Variants in FGF14 observed in about 807,000 individuals in gnomAD.
FGF14 encodes fibroblast growth factor homologous factor 4.
FGF14 carries 5 observed loss-of-function variants against 25.5 expected under a neutral mutation model. That is an observed-to-expected ratio of 0.20 (90% CI 0.10 to 0.41). The LOEUF (loss-of-function observed/expected upper bound fraction) is 0.41. Ranked by LOEUF, FGF14 falls within the 10% of genes least tolerant of loss-of-function variation. The pLI is 1.00. For missense variants in FGF14, 222 were observed against 320.1 expected, an observed-to-expected ratio of 0.69 and a Z score of 2.34; for synonymous variants, 138 against 118.3, an observed-to-expected ratio of 1.17 and a Z score of -1.08.
chr13:102,262,993 G>C (rs2052792286), intron 1 of FGF14: 1 of 518,226 alleles, frequency 1.9e-6, no homozygotes. Context: ...TAACATGATT[G>C]TGACCTTCAG....
At chr13:101,818,907 A>C (rs960539593) in intron 3 of FGF14, among the ~76,000 whole-genome samples, 1 of 152,022 alleles carries the variant, frequency 6.6e-6, no homozygotes, top group Admixed American at 6.5e-5. Flanking sequence ...TCTATGCATT[A>C]CTCATCCATT....
At chr13:102,357,232 C>A (rs752716964) in intron 1 of FGF14, among the ~76,000 whole-genome samples, 20 of 151,726 alleles carry the variant, frequency 1.3e-4, no homozygotes, top group Middle Eastern at 3.4e-3. Context: ...GTACATTATA[C>A]ATCTTACGTC....
chr13:102,191,045 C>A (rs944022139), intron 1 of FGF14, among the ~76,000 whole-genome samples: 6 of 152,164 alleles, frequency 3.9e-5, no homozygotes, highest in African/African-American at 1.4e-4. Context: ...CTCAAAAGTG[C>A]CCTTACCAGT....
In FGF14 at chr13:102,290,210, C is replaced by A. The variant is rs191019627; in HGVS notation, c.208+111261G>T. ...AGGTGCTTAGGTCATAAGACTGAAG[C>A]CCTCACAAATGGGATTAGTGCCTTT... On this transcript the variant is annotated intron_variant, in intron 1 of 4. Transcript: ENST00000376131. Among the ~76,000 whole-genome samples the A allele has an allele frequency of 2.9e-3, 444 of 152,050 alleles. 2 individuals carry two copies. Among genetic ancestry groups the A allele is most frequent in the African/African-American group, 0.01 (431 of 41,456 alleles).
At chr13:101,832,630 A>G (rs1467672833) in intron 3 of FGF14, among the ~76,000 whole-genome samples, 1 of 151,992 alleles carries the variant, frequency 6.6e-6, no homozygotes, top group African/African-American at 2.4e-5. Context: ...TGGAAGTAAA[A>G]GCAAGTAGAA....
intron 1 of FGF14, among the ~76,000 whole-genome samples, chr13:102,027,972 C>A (rs1250361424): frequency 6.6e-6 from 1 of 151,910 alleles, no homozygotes; most frequent in Non-Finnish European, 1.5e-5. Flanking sequence ...ATTCATCACC[C>A]TTTATTGGCA....
intron 1 of FGF14, among the ~76,000 whole-genome samples, chr13:102,375,196 C>T (rs182156186): frequency 4.4e-4 from 67 of 152,172 alleles, no homozygotes; most frequent in African/African-American, 1.4e-3. Context: ...AAAGTAATAC[C>T]TCTGCTGCCA....
intron 1 of FGF14, among the ~76,000 whole-genome samples, chr13:102,380,865 C>G (rs1230942767): frequency 1.3e-5 from 2 of 152,042 alleles, no homozygotes; most frequent in Admixed American, 1.3e-4. Flanking sequence ...CATTTTTAAT[C>G]AAAGATAAAT....
At chr13:101,870,400 T>C (rs544049730) in intron 2 of FGF14, among the ~76,000 whole-genome samples, 1 of 152,324 alleles carries the variant, frequency 6.6e-6, no homozygotes, top group South Asian at 2.1e-4. Flanking sequence ...ATCATATGAC[T>C]GTCCACGCAA....
intron 1 of FGF14, among the ~76,000 whole-genome samples, chr13:101,909,504 C>T (rs907406989): frequency 6.6e-6 from 1 of 152,186 alleles, no homozygotes; most frequent in Non-Finnish European, 1.5e-5. Context: ...CTCATCATCA[C>T]TGGCCATCAG....
intron 1 of FGF14, among the ~76,000 whole-genome samples, chr13:102,192,079 A>C (rs965437851): frequency 1.3e-5 from 2 of 151,980 alleles, no homozygotes; most frequent in Non-Finnish European, 2.9e-5. Flanking sequence ...CCAAGGCCCC[A>C]CCCCCAGGCT....
At chr13:102,121,109 T>A (rs1165678717) in intron 1 of FGF14, among the ~76,000 whole-genome samples, 1 of 152,192 alleles carries the variant, frequency 6.6e-6, no homozygotes, top group Non-Finnish European at 1.5e-5. Flanking sequence ...CGTTAGTCCC[T>A]ATTTTTCCAC....
At chr13:101,789,260 T>A (rs911453532) in intron 3 of FGF14, among the ~76,000 whole-genome samples, 10 of 152,078 alleles carry the variant, frequency 6.6e-5, no homozygotes, top group African/African-American at 2.4e-4. Context: ...TTCCCACCAC[T>A]TATATTCTCT....
At chr13:102,034,529 G>C (rs2041375659) in intron 1 of FGF14, among the ~76,000 whole-genome samples, 1 of 152,154 alleles carries the variant, frequency 6.6e-6, no homozygotes, top group South Asian at 2.1e-4. Context: ...CAATGAAGTT[G>C]AGTCAAGTGA....
At chr13:102,342,908 A>G (rs754815177) in intron 1 of FGF14, among the ~76,000 whole-genome samples, 1 of 152,210 alleles carries the variant, frequency 6.6e-6, no homozygotes, top group Non-Finnish European at 1.5e-5. Flanking sequence ...CTGTAGGAAT[A>G]TAAGTATTTG....
chr13:102,236,942 G>A (rs542903089), intron 1 of FGF14, among the ~76,000 whole-genome samples: 8 of 152,176 alleles, frequency 5.3e-5, no homozygotes, highest in Admixed American at 3.9e-4. Flanking sequence ...CTGGAAAGGC[G>A]CTGGAGTGCT....
intron 1 of FGF14, among the ~76,000 whole-genome samples, chr13:102,327,957 T>A (rs1555401873): frequency 7.8e-6 from 1 of 128,676 alleles, no homozygotes. Context: ...AAAGGCAGGA[T>A]AAAAGAACCT....
chr13:102,108,711 G>A (rs1262159604), intron 1 of FGF14, among the ~76,000 whole-genome samples: 1 of 152,196 alleles, frequency 6.6e-6, no homozygotes, highest in Non-Finnish European at 1.5e-5. Flanking sequence ...CTTGTTCATA[G>A]ATGTGAAGTT....
chr13:101,979,726 T>G (rs1431444872), intron 1 of FGF14, among the ~76,000 whole-genome samples: 1 of 152,218 alleles, frequency 6.6e-6, no homozygotes, highest in Non-Finnish European at 1.5e-5. Flanking sequence ...CTTTGTCATT[T>G]CTATCATATA....
Sources: allele counts gnomAD v4.1 joint callset (sites outside exome capture counted in the v4.1 genomes callset), GRCh38; gene constraint gnomAD v4.1.1; transcripts MANE v1.5; gene names NCBI Gene and HGNC (gene_info 2026-07-23, HGNC 2026-07-21).